The following LOC128706665 variants were observed in gnomAD, a reference collection of about 807,000 sequenced individuals.
the LOC128706665 span, among the ~76,000 whole-genome samples, chr20:10,422,570 G>A: frequency 1.3e-5 from 2 of 152,170 alleles, no homozygotes; most frequent in Admixed American, 6.5e-5. Context: ...CAGCTGGCCT[G>A]TGTTGATTGA....
the LOC128706665 span, among the ~76,000 whole-genome samples, chr20:10,414,710 AT>A: frequency 2.0e-5 from 3 of 152,230 alleles, no homozygotes; most frequent in Non-Finnish European, 4.4e-5. Flanking sequence ...TTTGTAAATA[AT>A]TATAAAAACA....
the LOC128706665 span, among the ~76,000 whole-genome samples, chr20:10,420,245 A>C: frequency 4.6e-5 from 7 of 152,336 alleles, 1 homozygote; most frequent in African/African-American, 1.7e-4. Context: ...TGTAATGGTA[A>C]GGAGTCAGGG....
At chr20:10,425,995 TTTG>T in the LOC128706665 span, among the ~76,000 whole-genome samples, 4 of 152,338 alleles carry the variant, frequency 2.6e-5, no homozygotes, top group East Asian at 7.7e-4. Flanking sequence ...TAAAATGTCT[TTTG>T]TTAAGTTTAG....
chr20:10,427,170 T>C, the LOC128706665 span, among the ~76,000 whole-genome samples: 97 of 152,080 alleles, frequency 6.4e-4, no homozygotes, highest in African/African-American at 2.0e-3. Context: ...TCTAGCATAG[T>C]ATTAGTTAAA....
At chr20:10,428,413 C>G in the LOC128706665 span, among the ~76,000 whole-genome samples, 1 of 152,214 alleles carries the variant, frequency 6.6e-6, no homozygotes, top group Non-Finnish European at 1.5e-5. Flanking sequence ...TACCCTTCAT[C>G]ATTTTCAAGA....
At chr20:10,422,151 T>C in the LOC128706665 span, among the ~76,000 whole-genome samples, 34 of 152,284 alleles carry the variant, frequency 2.2e-4, no homozygotes, top group Non-Finnish European at 4.1e-4. Context: ...CTTATAGCTA[T>C]GAACATGTTA....
chr20:10,420,610 T>A, the LOC128706665 span: 2 of 152,220 alleles, frequency 1.3e-5, no homozygotes. Context: ...CTCAGGAATG[T>A]CGTCGTTTTT....
the LOC128706665 span, among the ~76,000 whole-genome samples, chr20:10,419,026 A>G: frequency 6.6e-6 from 1 of 152,154 alleles, no homozygotes; most frequent in Admixed American, 6.5e-5. Flanking sequence ...ATGCTCTTCC[A>G]CTTCTGCTTA....
At chr20:10,420,840 T>C in the LOC128706665 span, 1 of 152,218 alleles carries the variant, frequency 6.6e-6, no homozygotes, top group Non-Finnish European at 1.5e-5. Flanking sequence ...TCACTACAAG[T>C]AGCATGCTGT....
At chr20:10,424,205 G>A in the LOC128706665 span, among the ~76,000 whole-genome samples, 39 of 151,560 alleles carry the variant, frequency 2.6e-4, no homozygotes, top group African/African-American at 9.2e-4. Flanking sequence ...AAATGACATT[G>A]GCATATAATG....
chr20:10,434,044 C>T, the LOC128706665 span: 2 of 152,378 alleles, frequency 1.3e-5, no homozygotes, highest in African/African-American at 4.8e-5. Flanking sequence ...GCCTACAAGC[C>T]CCTTCCCCTC....
the LOC128706665 span, among the ~76,000 whole-genome samples, chr20:10,427,654 G>A: frequency 2.2e-3 from 331 of 152,292 alleles, 1 homozygote; most frequent in African/African-American, 7.2e-3. Flanking sequence ...AAGACTGCAC[G>A]TGGTCTTCAA....
the LOC128706665 span, among the ~76,000 whole-genome samples, chr20:10,430,550 G>C: frequency 6.6e-6 from 1 of 152,190 alleles, no homozygotes; most frequent in Non-Finnish European, 1.5e-5. Context: ...CAAACTAAGG[G>C]AAGTGGTCCC....
At chr20:10,422,416 A>G in the LOC128706665 span, among the ~76,000 whole-genome samples, 2 of 152,184 alleles carry the variant, frequency 1.3e-5, no homozygotes, top group African/African-American at 4.8e-5. Context: ...ATCATAATTA[A>G]ATTTCATTGT....
chr20:10,420,351 T>C, the LOC128706665 span, among the ~76,000 whole-genome samples: 2 of 152,184 alleles, frequency 1.3e-5, no homozygotes, highest in African/African-American at 4.8e-5. Context: ...GTCAAATGTC[T>C]CTGCACAACG....
chr20:10,427,029 G>GACACACAGACAC, the LOC128706665 span, among the ~76,000 whole-genome samples: 1 of 130,724 alleles, frequency 7.6e-6, no homozygotes, highest in Admixed American at 7.8e-5. Context: ...AGAAAACACT[G>GACACACAGACAC]ACACACACAC....
At chr20:10,425,788 A>G in the LOC128706665 span, among the ~76,000 whole-genome samples, 79 of 149,872 alleles carry the variant, frequency 5.3e-4, no homozygotes, top group African/African-American at 1.9e-3. Context: ...GAGCAAAGCA[A>G]CAAGAGAAAT....
chr20:10,423,141 TAA>T, the LOC128706665 span, among the ~76,000 whole-genome samples: 13 of 152,202 alleles, frequency 8.5e-5, no homozygotes, highest in African/African-American at 3.1e-4. Context: ...CCCTAGCTTA[TAA>T]AAAGAGATTA....
chr20:10,432,401 C>T, the LOC128706665 span, among the ~76,000 whole-genome samples: 2 of 152,324 alleles, frequency 1.3e-5, no homozygotes, highest in Non-Finnish European at 2.9e-5. Context: ...AAACATCTTG[C>T]TCAATATCAA....
Sources: allele counts gnomAD v4.1 joint callset (sites outside exome capture counted in the v4.1 genomes callset), GRCh38; gene constraint gnomAD v4.1.1; transcripts MANE v1.5.